The following UNC13C variants were observed in gnomAD, a reference collection of about 807,000 sequenced individuals.
UNC13C encodes unc-13 homolog C, also known as protein unc-13 homolog C.
Under a neutral mutation model 245.4 loss-of-function variants are expected in UNC13C, and 174 were observed. The observed-to-expected ratio is 0.71, with a 90% CI of 0.63 to 0.80. UNC13C has a LOEUF of 0.80. UNC13C is among the 30% of genes least tolerant of loss of function. The probability of loss-of-function intolerance (pLI) is 0.00; values close to 1 mark genes in which losing one functional copy is unlikely to be tolerated. For synonymous variants in UNC13C, 992 were observed against 895.1 expected (o/e 1.11, Z -1.93); for missense variants, 2,829 against 2,602.9 (o/e 1.09, Z -1.89).
At chr15:54,541,058 C>G (rs1468949034) in intron 26 of UNC13C, among the ~76,000 whole-genome samples, 3 of 152,042 alleles carry the variant, frequency 2.0e-5, no homozygotes, top group Admixed American at 2.0e-4. Context: ...CCCTGAAAAA[C>G]AGTTTTCAAA....
At chr15:54,134,685 A>G (rs79537020) in intron 2 of UNC13C, among the ~76,000 whole-genome samples, 1 of 151,660 alleles carries the variant, frequency 6.6e-6, no homozygotes, top group Non-Finnish European at 1.5e-5. Flanking sequence ...ACGCCTGGCT[A>G]ATTTTTTTTT....
intron 1 of UNC13C, among the ~76,000 whole-genome samples, chr15:53,983,320 A>G (rs1048308548): frequency 3.3e-5 from 5 of 152,088 alleles, no homozygotes; most frequent in African/African-American, 9.7e-5. Flanking sequence ...GGCACACTCA[A>G]TGAGAATATG....
intron 2 of UNC13C, among the ~76,000 whole-genome samples, chr15:54,138,953 ATTTTTTTT>A (rs56255946): frequency 1.0e-4 from 5 of 48,640 alleles, no homozygotes; most frequent in African/African-American, 3.1e-4. Context: ...ATTTCCCCTA[ATTTTTTTT>A]TTTTTTTTTT....
At chr15:54,565,126 C>A (rs957901482) in intron 29 of UNC13C, among the ~76,000 whole-genome samples, 29 of 152,034 alleles carry the variant, frequency 1.9e-4, no homozygotes, top group African/African-American at 7.0e-4. Flanking sequence ...TTGCTGGCTC[C>A]TTAGATAACA....
intron 29 of UNC13C, among the ~76,000 whole-genome samples, chr15:54,558,849 T>A (rs1034256802): frequency 6.6e-6 from 1 of 151,992 alleles, no homozygotes; most frequent in Admixed American, 6.6e-5. Flanking sequence ...TGCAAACTAA[T>A]AGGGAGGCCA....
chr15:54,625,059 TGTATACATTTCAA>T (rs1452959928), intron 32 of UNC13C, among the ~76,000 whole-genome samples: 2 of 152,176 alleles, frequency 1.3e-5, no homozygotes, highest in Admixed American at 6.6e-5. Context: ...TTCAGTTTGA[TGTATACATTTCAA>T]GTATACATCA....
At chr15:54,072,097 G>T (rs111452738) in intron 2 of UNC13C, among the ~76,000 whole-genome samples, 3 of 152,062 alleles carry the variant, frequency 2.0e-5, no homozygotes, top group African/African-American at 7.2e-5. Flanking sequence ...TTTTCCCATA[G>T]ACTTTGTGTC....
intron 2 of UNC13C, chr15:54,049,775 C>T: frequency 7.9e-6 from 2 of 254,282 alleles, no homozygotes; most frequent in African/African-American, 2.3e-5. Context: ...CAATAGCAAA[C>T]AATTCTCCAT....
chr15:54,308,795 A>G (rs2037790343), intron 13 of UNC13C, among the ~76,000 whole-genome samples: 1 of 151,794 alleles, frequency 6.6e-6, no homozygotes, highest in African/African-American at 2.4e-5. Flanking sequence ...TTCATTTAAC[A>G]TAATGTTCTC....
intron 4 of UNC13C, among the ~76,000 whole-genome samples, chr15:54,225,252 C>T (rs1404399283): frequency 2.0e-5 from 3 of 152,078 alleles, no homozygotes; most frequent in Admixed American, 6.5e-5. Context: ...ATGATGCCTC[C>T]AGCTTTGTTC....
At chr15:54,339,619 A>G (rs2038678762) in intron 17 of UNC13C, among the ~76,000 whole-genome samples, 1 of 150,874 alleles carries the variant, frequency 6.6e-6, no homozygotes, top group Non-Finnish European at 1.5e-5. Flanking sequence ...ATGGCTGAAT[A>G]GTAGTATTCC....
At chr15:53,885,398 G>T in the UNC13C span, among the ~76,000 whole-genome samples, 54,930 of 152,050 alleles carry the variant, frequency 0.36, 10,829 homozygotes, top group South Asian at 0.48. Context: ...TTATTCCAGA[G>T]GGGTTCTGTT....
chr15:54,075,680 G>T (rs1898576440), intron 2 of UNC13C, among the ~76,000 whole-genome samples: 1 of 151,772 alleles, frequency 6.6e-6, no homozygotes, highest in East Asian at 1.9e-4. Context: ...AATACTATTA[G>T]CAGTATTGAG....
intron 19 of UNC13C, among the ~76,000 whole-genome samples, chr15:54,452,609 G>A (rs1288619103): frequency 3.9e-5 from 6 of 152,180 alleles, no homozygotes; most frequent in African/African-American, 1.4e-4. Flanking sequence ...AGCCAGGTTG[G>A]GAAAACCTGT....
chr15:53,982,146 T>C (rs1306036890), intron 1 of UNC13C, among the ~76,000 whole-genome samples: 2 of 152,148 alleles, frequency 1.3e-5, no homozygotes, highest in Non-Finnish European at 2.9e-5. Flanking sequence ...CTTGTCTCCC[T>C]ACATTTTCAC....
intron 4 of UNC13C, among the ~76,000 whole-genome samples, chr15:54,209,766 T>C (rs149651456): frequency 6.6e-6 from 1 of 152,272 alleles, no homozygotes; most frequent in East Asian, 1.9e-4. Flanking sequence ...GTTCTACCTC[T>C]TAATATCGGC....
chr15:54,448,434 C>A (rs1890959397), intron 19 of UNC13C, among the ~76,000 whole-genome samples: 1 of 152,170 alleles, frequency 6.6e-6, no homozygotes, highest in African/African-American at 2.4e-5. Flanking sequence ...TCCCTAAGGA[C>A]TTCCTTTATG....
At chr15:54,488,925 C>T (rs1196845217) in intron 19 of UNC13C, among the ~76,000 whole-genome samples, 1 of 152,136 alleles carries the variant, frequency 6.6e-6, no homozygotes, top group African/African-American at 2.4e-5. Context: ...TTCTAAGAGT[C>T]ATTCACATCA....
At chr15:54,183,541 T>G (rs563484683) in intron 4 of UNC13C, among the ~76,000 whole-genome samples, 1 of 151,960 alleles carries the variant, frequency 6.6e-6, no homozygotes, top group Non-Finnish European at 1.5e-5. Context: ...ACTATTTACA[T>G]GTGTAGGTTA....
Sources: gnomAD v4.1 joint callset for allele counts (sites outside exome capture counted in the v4.1 genomes callset) on GRCh38, gnomAD v4.1.1 for gene constraint, MANE v1.5 for transcripts, NCBI Gene and HGNC (gene_info 2026-07-23, HGNC 2026-07-21) for gene names.